Variants in GALNT17 observed in about 807,000 individuals in gnomAD.
GALNT17 encodes polypeptide N-acetylgalactosaminyltransferase 17, also known as UDP-GalNAc:polypeptide N-acetylgalactosaminyltransferase-like 3.
Under a neutral mutation model 63.7 loss-of-function variants are expected in GALNT17, and 29 were observed. The ratio of observed to expected loss-of-function variants is 0.46; its 90% CI spans 0.34 to 0.62. The LOEUF is 0.62. Among genes scored for constraint, GALNT17 ranks in the 20% least tolerant of loss-of-function variants. GALNT17 has a pLI of 0.01. For synonymous variants in GALNT17, 305 were observed against 318.3 expected, an observed-to-expected ratio of 0.96 and a Z score of 0.45; for missense variants, 603 against 799.6, an observed-to-expected ratio of 0.75 and a Z score of 2.97.
intron 6 of GALNT17, among the ~76,000 whole-genome samples, chr7:71,582,918 A>G (rs752985895): frequency 2.6e-5 from 4 of 152,144 alleles, no homozygotes; most frequent in Non-Finnish European, 4.4e-5. Context: ...GCCACTAAAG[A>G]ACTTACTCAG....
chr7:71,316,239 TCC>T (rs1791497009), intron 1 of GALNT17, among the ~76,000 whole-genome samples: 1 of 134,996 alleles, frequency 7.4e-6, no homozygotes, highest in South Asian at 2.2e-4. Context: ...CTGATCAGGA[TCC>T]TGATCTGTGG....
intron 1 of GALNT17, among the ~76,000 whole-genome samples, chr7:71,283,502 C>T (rs182557196): frequency 6.6e-6 from 1 of 152,214 alleles, no homozygotes; most frequent in Admixed American, 6.5e-5. Context: ...CTTAGAAAGC[C>T]AGGCTGTCTT....
intron 5 of GALNT17, among the ~76,000 whole-genome samples, chr7:71,549,756 C>A (rs35204660): frequency 1.3e-4 from 20 of 151,892 alleles, no homozygotes; most frequent in Admixed American, 2.0e-4. Flanking sequence ...TCATACCAAG[C>A]CCCTGGAAGA....
intron 6 of GALNT17, among the ~76,000 whole-genome samples, chr7:71,575,006 A>T (rs968322394): frequency 6.6e-6 from 1 of 152,180 alleles, no homozygotes; most frequent in Non-Finnish European, 1.5e-5. Flanking sequence ...TCCTGTAGGC[A>T]CCAACATCTA....
In GALNT17 at chr7:71,335,673, A is replaced by G. The variant is rs757042928; in HGVS notation, c.362A>G (p.Asn121Ser). 1.9e-6 allele frequency: 3 copies of G among 1,612,992 alleles called. No individual in the cohort carries two copies. The highest frequency in any genetic ancestry group is 1.1e-5 in the South Asian group (1 of 90,836). The change falls in exon 2 of 11, where the codon AAT becomes AGT. Residue 121 changes from asparagine to serine, a missense_variant. Asn to Ser is a conservative substitution (Grantham distance 46, BLOSUM62 1). Coordinates refer to ENST00000333538, the MANE Select transcript of GALNT17 (RefSeq NM_022479.3). The part of the protein sequence containing the change: ...AKGPHEKYGY[N>S]SYLSEKISLD... ...GGACCCCATGAGAAGTATGGCTACA[A>G]TTCATACCTCAGTGAAAAAATTTCA...
chr7:71,687,497 G>T (rs900845030), intron 9 of GALNT17, among the ~76,000 whole-genome samples: 1 of 152,148 alleles, frequency 6.6e-6, no homozygotes, highest in Non-Finnish European at 1.5e-5. Context: ...CTCAGGCAAC[G>T]CAGCCTTTGA....
intron 6 of GALNT17, among the ~76,000 whole-genome samples, chr7:71,593,457 G>T (rs894317547): frequency 6.6e-6 from 1 of 151,824 alleles, no homozygotes; most frequent in Non-Finnish European, 1.5e-5. Context: ...GTAGAGACAG[G>T]GTTTCACCAT....
chr7:71,230,856 C>T (rs1174008721), intron 1 of GALNT17, among the ~76,000 whole-genome samples: 1 of 151,952 alleles, frequency 6.6e-6, no homozygotes, highest in Non-Finnish European at 1.5e-5. Flanking sequence ...AGTGTGTGCC[C>T]CAAACCAACG....
At chr7:71,475,401 G>C (rs4288249) in intron 5 of GALNT17, among the ~76,000 whole-genome samples, 9,632 of 152,212 alleles carry the variant, frequency 0.063, 1,047 homozygotes, top group African/African-American at 0.22. Flanking sequence ...ATGGGAGACA[G>C]TAACAGATCA....
At chr7:71,371,506 T>C (rs1475370662) in intron 2 of GALNT17, among the ~76,000 whole-genome samples, 1 of 152,190 alleles carries the variant, frequency 6.6e-6, no homozygotes, top group Non-Finnish European at 1.5e-5. Context: ...GCTCTTTGAG[T>C]TTTCATTATT....
At chr7:71,277,396 A>G (rs2115732431) in intron 1 of GALNT17, among the ~76,000 whole-genome samples, 1 of 152,176 alleles carries the variant, frequency 6.6e-6, no homozygotes, top group East Asian at 1.9e-4. Flanking sequence ...TACAGCATTC[A>G]CTATTTGGGT....
At chr7:71,450,626 G>A (rs921376546) in intron 5 of GALNT17, among the ~76,000 whole-genome samples, 2 of 152,158 alleles carry the variant, frequency 1.3e-5, no homozygotes, top group Admixed American at 6.5e-5. Flanking sequence ...TGCAGTTTTA[G>A]TATATGTGCT....
chr7:71,153,243 T>C lies in GALNT17; in HGVS notation c.238+20203T>C, dbSNP rs570515418. ...CTCAGTTTACTCATCTGGAAAACAG[T>C]AGCTACTCCTATAAATATGATAAGG... On this transcript the variant is annotated intron_variant, in intron 1 of 10. Transcript: ENST00000333538. Among the ~76,000 whole-genome samples, 40 of 152,316 alleles carry C rather than the reference T, an allele frequency of 2.6e-4. 1 individual carries two copies. The highest frequency in any genetic ancestry group is 8.9e-4 in the African/African-American group (37 of 41,576).
At chr7:71,652,397 G>A (rs544369685) in intron 6 of GALNT17, among the ~76,000 whole-genome samples, 3 of 152,248 alleles carry the variant, frequency 2.0e-5, no homozygotes, top group South Asian at 2.1e-4. Context: ...CAACCGTCCC[G>A]TTTAGTGAAA....
At chr7:71,212,231 A>G (rs1257262543) in intron 1 of GALNT17, among the ~76,000 whole-genome samples, 3 of 152,202 alleles carry the variant, frequency 2.0e-5, no homozygotes, top group Non-Finnish European at 4.4e-5. Flanking sequence ...AGGGGCCAAC[A>G]TACAGCTCAG....
At position 71,132,796 on chromosome 7, in the gene GALNT17, C is replaced by T. The variant is rs1201888147; in HGVS notation, c.-7C>T. 1.9e-6 allele frequency: 3 copies of T among 1,591,746 alleles called. No individual in the cohort carries two copies. The highest frequency in any genetic ancestry group is 2.3e-5 in the East Asian group (1 of 43,816). ...AGGTCCGGGGCGAGGGCCGGCCGGG[C>T]TGTTTGATGGCTTCACTGAGAAGAG... On this transcript the variant is annotated 5_prime_UTR_variant, in exon 1 of 11. Transcript: ENST00000333538.
intron 1 of GALNT17, among the ~76,000 whole-genome samples, chr7:71,236,413 T>C (rs1012845661): frequency 1.3e-5 from 2 of 152,110 alleles, no homozygotes; most frequent in African/African-American, 4.8e-5. Context: ...AGCAATACCA[T>C]TGTCCTCACA....
intron 5 of GALNT17, among the ~76,000 whole-genome samples, chr7:71,517,179 G>C (rs979397182): frequency 1.3e-5 from 2 of 152,152 alleles, no homozygotes; most frequent in African/African-American, 4.8e-5. Context: ...TTCAAGGTCA[G>C]GGCACCAGCA....
chr7:71,554,303 G>T (rs1174806107), intron 5 of GALNT17, among the ~76,000 whole-genome samples: 1 of 152,140 alleles, frequency 6.6e-6, no homozygotes, highest in African/African-American at 2.4e-5. Context: ...GATCTGATGG[G>T]TTTATGAAGG....
Sources: allele counts gnomAD v4.1 joint callset (sites outside exome capture counted in the v4.1 genomes callset), GRCh38; gene constraint gnomAD v4.1.1; transcripts MANE v1.5; gene names NCBI Gene and HGNC (gene_info 2026-07-23, HGNC 2026-07-21).